NLRP5: variants seen among roughly 807,000 people sequenced by gnomAD.
The protein encoded by NLRP5 is NLR family pyrin domain containing 5.
Under a neutral mutation model 113.1 loss-of-function variants are expected in NLRP5, and 93 were observed. The observed-to-expected ratio is 0.82, with a 90% CI of 0.70 to 0.98. NLRP5 has a LOEUF of 0.98. NLRP5 is among the 50% of genes least tolerant of loss of function. The probability of loss-of-function intolerance (pLI) is 0.00; values close to 1 mark genes in which losing one functional copy is unlikely to be tolerated. For missense variants in NLRP5, 1,808 were observed against 1,514.3 expected (o/e 1.19, Z -3.22); for synonymous variants, 751 against 600.7 (o/e 1.25, Z -3.66).
At position 56,055,825 on chromosome 19, in the gene NLRP5, A is replaced by G. The variant is rs10404415; in HGVS notation, c.3299+2017A>G. Among the ~76,000 whole-genome samples, 1,364 of 151,816 alleles carry G rather than the reference A, an allele frequency of 9.0e-3. 8 individuals are homozygous for G. Among genetic ancestry groups the G allele is most frequent in the East Asian group, 0.027 (137 of 5,132 alleles). On this transcript the variant is annotated intron_variant, in intron 13 of 14. Transcript: ENST00000390649. ...CTCCCAAAGTGCTGGGATTACAGGC[A>G]TAAGCCACCGCGCCTGGCCTGTTTT...
intron 10 of NLRP5, among the ~76,000 whole-genome samples, chr19:56,038,585 C>G (rs976161768): frequency 6.6e-6 from 1 of 152,136 alleles, no homozygotes; most frequent in Non-Finnish European, 1.5e-5. Context: ...GGCGGTCAGG[C>G]TCCCCTCTGC....
At chr19:55,987,945 T>G in the NLRP5 span, 2 of 1,515,544 alleles carry the variant, frequency 1.3e-6, no homozygotes, top group Non-Finnish European at 1.8e-6. Flanking sequence ...GGGGCTTGAT[T>G]GATCAGTTCC....
At chr19:56,021,033 G>A (rs199726671) in intron 6 of NLRP5, among the ~76,000 whole-genome samples, 2 of 151,910 alleles carry the variant, frequency 1.3e-5, no homozygotes, top group South Asian at 2.1e-4. Flanking sequence ...CACCATGCCC[G>A]ACTAATTTTT....
chr19:55,998,743 T>TATATATGTGTATATATATAC (rs1555762470), upstream of NLRP5, among the ~76,000 whole-genome samples: 1 of 145,338 alleles, frequency 6.9e-6, no homozygotes. Context: ...TATATATATA[T>TATATATGTGTATATATATAC]ACACACACTT....
chr19:56,003,831 T>G lies in NLRP5; in HGVS notation c.178T>G (p.Phe60Val). The change falls in exon 2 of 15, where the codon TTT (phenylalanine) becomes GTT (valine). Residue 60 changes from phenylalanine to valine, a missense_variant. Physicochemically the swap from Phe to Val is conservative, Grantham distance 50 (BLOSUM62 -1). Transcript: ENST00000390649. Reference sequence around the variant, plus strand: ...GATGGAAGGAGACAAATCGCTCACCTTTTCCAGCTACGGGCTGCAATGGTG... The same window carrying G: ...GATGGAAGGAGACAAATCGCTCACCGTTTCCAGCTACGGGCTGCAATGGTG... 1 of 1,613,962 alleles carries G rather than the reference T, an allele frequency of 6.2e-7. No homozygotes were observed. Among genetic ancestry groups the G allele is most frequent in the Non-Finnish European group, 8.5e-7 (1 of 1,179,878 alleles).
chr19:56,024,336 T>C (rs1050093377), intron 6 of NLRP5, among the ~76,000 whole-genome samples: 1 of 134,342 alleles, frequency 7.4e-6, no homozygotes, highest in Non-Finnish European at 1.6e-5. Context: ...ACCTCATCTC[T>C]GCTTAAAAAA....
the NLRP5 span, chr19:55,988,707 C>T: frequency 6.6e-6 from 1 of 151,930 alleles, no homozygotes; most frequent in African/African-American, 2.4e-5. Flanking sequence ...TCCTCCAGCC[C>T]CTTTAAAGGA....
intron 6 of NLRP5, among the ~76,000 whole-genome samples, chr19:56,022,729 T>G (rs921479830): frequency 2.0e-5 from 3 of 152,196 alleles, no homozygotes; most frequent in Non-Finnish European, 2.9e-5. Context: ...TGAGGTTTTT[T>G]GTTTTTTGTT....
chr19:56,026,610 C>T (rs925119202), intron 6 of NLRP5, among the ~76,000 whole-genome samples: 55 of 149,276 alleles, frequency 3.7e-4, no homozygotes, highest in Admixed American at 7.4e-4. Context: ...GATAGAGTCT[C>T]GCTCTGTGAC....
At chr19:56,053,269 C>T (rs1023592303) in intron 12 of NLRP5, among the ~76,000 whole-genome samples, 2 of 151,478 alleles carry the variant, frequency 1.3e-5, no homozygotes, top group African/African-American at 4.9e-5. Flanking sequence ...GTGGCACGTG[C>T]CTGTAATCCC....
rs143801460 is a variant in NLRP5 at position 56,003,862 on chromosome 19, A to G, written c.209A>G (p.Tyr70Cys). ...AGCTACGGGCTGCAATGGTGTCTCTATGAGCTAGACAAGGAAGAATTTCAG... is the reference window on the plus strand; with the variant it reads ...AGCTACGGGCTGCAATGGTGTCTCTGTGAGCTAGACAAGGAAGAATTTCAG... The change falls in exon 2 of 15, where the codon TAT becomes TGT. Residue 70 changes from tyrosine (Y) to cysteine (C), a missense_variant. Tyr to Cys is a radical substitution (Grantham distance 194). Transcript: ENST00000390649. 4.0e-5 allele frequency: 64 copies of G among 1,614,006 alleles called. No individual in the cohort carries two copies. The African/African-American group carries it at 6.8e-4, about 17-fold the overall frequency.
intron 3 of NLRP5, among the ~76,000 whole-genome samples, chr19:56,013,764 T>C (rs571877729): frequency 3.9e-5 from 6 of 152,018 alleles, no homozygotes; most frequent in Admixed American, 6.6e-5. Flanking sequence ...CCAAATGGTT[T>C]TTCTTGAGTG....
upstream of NLRP5, among the ~76,000 whole-genome samples, chr19:55,996,991 G>C (rs2123254530): frequency 6.7e-6 from 1 of 149,962 alleles, no homozygotes; most frequent in Middle Eastern, 3.4e-3. Flanking sequence ...ATCCTCTCTA[G>C]CACCTGTTGT....
At chr19:56,045,097 G>C (rs1358341678) in intron 11 of NLRP5, among the ~76,000 whole-genome samples, 1 of 152,156 alleles carries the variant, frequency 6.6e-6, no homozygotes, top group Non-Finnish European at 1.5e-5. Context: ...ATCAGTTCTA[G>C]GAGCTTTCTG....
At chr19:55,992,544 T>C in the NLRP5 span, among the ~76,000 whole-genome samples, 1 of 152,216 alleles carries the variant, frequency 6.6e-6, no homozygotes, top group Non-Finnish European at 1.5e-5. Context: ...TTTTGACTTT[T>C]TAATAATGAC....
At chr19:56,055,699 C>A (rs187322085) in intron 13 of NLRP5, among the ~76,000 whole-genome samples, 7 of 151,660 alleles carry the variant, frequency 4.6e-5, no homozygotes, top group African/African-American at 7.3e-5. Flanking sequence ...GTGCCCGCCA[C>A]CACGCCCGGC....
intron 7 of NLRP5, 41 bp downstream of exon 7, chr19:56,028,550 GCT>G (rs1347317454): frequency 6.4e-7 from 1 of 1,562,486 alleles, no homozygotes; most frequent in Non-Finnish European, 8.7e-7. Context: ...CGTGTGCTGA[GCT>G]CTGTGTCTCT....
intron 8 of NLRP5, among the ~76,000 whole-genome samples, 179 bp from the exon 9 acceptor site, chr19:56,033,361 ACT>A (rs1339357650): frequency 2.4e-4 from 37 of 152,196 alleles, no homozygotes; most frequent in African/African-American, 8.4e-4. Context: ...GATTGTTAAT[ACT>A]CTTTCATACA....
At chr19:56,036,164 C>T (rs757449264) in intron 9 of NLRP5, among the ~76,000 whole-genome samples, 17 of 146,310 alleles carry the variant, frequency 1.2e-4, no homozygotes, top group Admixed American at 2.2e-4. Context: ...CCTGGGTTCA[C>T]GCCATTCTCC....
Sources: gnomAD v4.1 joint callset for allele counts (sites outside exome capture counted in the v4.1 genomes callset) on GRCh38, gnomAD v4.1.1 for gene constraint, MANE v1.5 for transcripts, NCBI Gene and HGNC (gene_info 2026-07-23, HGNC 2026-07-21) for gene names.